The following MTMR3 variants were observed in gnomAD, a reference collection of about 807,000 sequenced individuals.
MTMR3 encodes myotubularin related protein 3.
In MTMR3, 32 loss-of-function variants were observed where a neutral mutation model predicts 132.4. That is an observed-to-expected ratio of 0.24 (90% CI 0.18 to 0.32). MTMR3 has a LOEUF of 0.32. Among genes scored for constraint, MTMR3 ranks in the 10% least tolerant of loss-of-function variants. The pLI, the probability that MTMR3 is intolerant of heterozygous loss-of-function variation, is 1.00. For synonymous variants in MTMR3, 556 were observed against 550.3 expected, an observed-to-expected ratio of 1.01 and a Z score of -0.14; for missense variants, 1,216 against 1,489.6, an observed-to-expected ratio of 0.82 and a Z score of 3.02.
intron 7 of MTMR3, chr22:29,996,920 CCCATGGGGTTGA>C (rs2067073193): frequency 6.6e-6 from 1 of 151,970 alleles, no homozygotes. Flanking sequence ...GATGGGGTTG[CCCATGGGGTTGA>C]CCAGATGTTG....
chr22:29,928,417 T>C (rs1297031482), intron 1 of MTMR3, among the ~76,000 whole-genome samples: 1 of 152,004 alleles, frequency 6.6e-6, no homozygotes, highest in Non-Finnish European at 1.5e-5. Flanking sequence ...GGTGATCCGC[T>C]GGCCTTGGTC....
chr22:29,891,347 AAT>A (rs745487668), intron 1 of MTMR3, among the ~76,000 whole-genome samples: 24 of 149,966 alleles, frequency 1.6e-4, no homozygotes, highest in Non-Finnish European at 3.1e-4. Flanking sequence ...GTATATATTT[AAT>A]ATATATGTGT....
intron 1 of MTMR3, among the ~76,000 whole-genome samples, chr22:29,946,259 G>A (rs1459581897): frequency 1.3e-5 from 2 of 152,174 alleles, no homozygotes; most frequent in African/African-American, 2.4e-5. Context: ...GTATTAAGGA[G>A]CTGTGGTGGG....
chr22:29,958,648 CAG>C (rs139421376), intron 2 of MTMR3, among the ~76,000 whole-genome samples: 2,822 of 152,280 alleles, frequency 0.019, 79 homozygotes, highest in African/African-American at 0.064. Context: ...GTGCCCAGCT[CAG>C]AATCTCTTTC....
intron 11 of MTMR3, 165 bp downstream of exon 11, chr22:30,008,197 C>G: frequency 1.2e-6 from 1 of 856,186 alleles, no homozygotes; most frequent in Non-Finnish European, 1.7e-6. Flanking sequence ...ACTGTATGTT[C>G]TTTTCTGAGG....
intron 6 of MTMR3, chr22:29,989,865 A>G (rs762869346): frequency 1.3e-5 from 2 of 152,194 alleles, no homozygotes; most frequent in South Asian, 2.1e-4. Flanking sequence ...AAACAATGCA[A>G]ATGTCCCTGC....
chr22:29,912,884 A>G (rs1368175137), intron 1 of MTMR3, among the ~76,000 whole-genome samples: 2 of 152,198 alleles, frequency 1.3e-5, no homozygotes, highest in Non-Finnish European at 2.9e-5. Flanking sequence ...TGGCTTGCCT[A>G]TGTAAATTGA....
intron 7 of MTMR3, chr22:29,994,617 A>G (rs1368851368): frequency 6.6e-6 from 1 of 152,230 alleles, no homozygotes; most frequent in Non-Finnish European, 1.5e-5. Context: ...TCACAAGTGT[A>G]GACTCTGAGG....
intron 1 of MTMR3, among the ~76,000 whole-genome samples, chr22:29,901,985 A>G (rs1234718947): frequency 1.3e-5 from 2 of 152,182 alleles, no homozygotes; most frequent in Non-Finnish European, 2.9e-5. Context: ...GTTTTTGGTA[A>G]TTACAAATAA....
chr22:30,020,521 C>T lies in MTMR3; in HGVS notation c.2862C>T (p.Pro954=), dbSNP rs201806363. The change falls in exon 17 of 20, where the codon CCC becomes CCT. Residue 954 remains proline, a synonymous_variant. Transcript: ENST00000401950. ...GCACCCTCCAGATGTACCCCACACC[C>T]AATGGGCATTGCGCCAATGGGGAGG... The part of the protein sequence containing the change: ...GLSTLQMYPT[P]NGHCANGEAG... 2 of 1,614,184 alleles carry T rather than the reference C, an allele frequency of 1.2e-6. No individual in the cohort carries two copies. Among genetic ancestry groups the T allele is most frequent in the Non-Finnish European group, 1.7e-6 (2 of 1,180,032 alleles).
At chr22:29,979,566 G>T in intron 5 of MTMR3, 1 of 190,634 alleles carries the variant, frequency 5.2e-6, no homozygotes, top group Non-Finnish European at 1.1e-5. Context: ...AAAATGATGT[G>T]TGTAGTTGTC....
chr22:29,952,640 T>G (rs1301824403), intron 1 of MTMR3, among the ~76,000 whole-genome samples: 2 of 152,046 alleles, frequency 1.3e-5, no homozygotes, highest in Non-Finnish European at 2.9e-5. Context: ...CCTAGAATAG[T>G]GCCCATCACT....
At chr22:29,949,532 A>G (rs533724174) in intron 1 of MTMR3, among the ~76,000 whole-genome samples, 1 of 140,932 alleles carries the variant, frequency 7.1e-6, no homozygotes, top group South Asian at 2.4e-4. Flanking sequence ...CAACACACGT[A>G]CACATAAACC....
intron 19 of MTMR3, chr22:30,023,303 C>T: frequency 2.7e-6 from 2 of 731,442 alleles, no homozygotes; most frequent in Non-Finnish European, 4.9e-6. Flanking sequence ...CTGAATCATG[C>T]CATAGCTCAC....
At chr22:29,896,185 G>T (rs1433376161) in intron 1 of MTMR3, among the ~76,000 whole-genome samples, 2 of 152,086 alleles carry the variant, frequency 1.3e-5, no homozygotes, top group African/African-American at 4.8e-5. Context: ...TGGCGGGCAT[G>T]TGTAATCCCA....
At chr22:29,975,009 C>T (rs546653782) in intron 3 of MTMR3, among the ~76,000 whole-genome samples, 87 of 152,186 alleles carry the variant, frequency 5.7e-4, no homozygotes, top group African/African-American at 2.0e-3. Flanking sequence ...CTCTGTCGCC[C>T]GGGTTGGAGA....
intron 1 of MTMR3, among the ~76,000 whole-genome samples, chr22:29,946,686 A>G (rs922335381): frequency 6.6e-6 from 1 of 152,114 alleles, no homozygotes; most frequent in African/African-American, 2.4e-5. Flanking sequence ...TTTTTGCAGT[A>G]TCTGTATACC....
chr22:29,949,077 G>A (rs1283319483), intron 1 of MTMR3, among the ~76,000 whole-genome samples: 2 of 140,038 alleles, frequency 1.4e-5, no homozygotes, highest in South Asian at 2.3e-4. Context: ...TAGCCTGGGC[G>A]ACAGCGAGGC....
chr22:29,927,687 A>G (rs890519068), intron 1 of MTMR3, among the ~76,000 whole-genome samples: 3 of 152,162 alleles, frequency 2.0e-5, no homozygotes, highest in Non-Finnish European at 4.4e-5. Flanking sequence ...AATAAGGTGC[A>G]TGCATTGGGC....
Sources: allele counts gnomAD v4.1 joint callset (sites outside exome capture counted in the v4.1 genomes callset), GRCh38; gene constraint gnomAD v4.1.1; transcripts MANE v1.5; gene names NCBI Gene and HGNC (gene_info 2026-07-23, HGNC 2026-07-21).